Variants in LRRC4C observed in about 807,000 individuals in gnomAD.
LRRC4C encodes the protein leucine-rich repeat-containing protein 4C.
In LRRC4C, 5 loss-of-function variants were observed where a neutral mutation model predicts 33.6. The ratio of observed to expected loss-of-function variants is 0.15; its 90% CI spans 0.08 to 0.31. The LOEUF (loss-of-function observed/expected upper bound fraction) is 0.31. LRRC4C is among the 10% of genes least tolerant of loss of function. The pLI is 1.00. For synonymous variants in LRRC4C, 329 were observed against 302.0 expected (o/e 1.09, Z -0.93); for missense variants, 560 against 796.7 (o/e 0.70, Z 3.58).
At chr11:40,539,304 A>G (rs915606469) in intron 3 of LRRC4C, among the ~76,000 whole-genome samples, 1 of 152,168 alleles carries the variant, frequency 6.6e-6, no homozygotes, top group Non-Finnish European at 1.5e-5. Flanking sequence ...ATGTAAAATT[A>G]TCTATTCTAT....
chr11:41,079,579 C>T (rs1939412088), intron 1 of LRRC4C, among the ~76,000 whole-genome samples: 1 of 152,048 alleles, frequency 6.6e-6, no homozygotes, highest in Non-Finnish European at 1.5e-5. Context: ...AGAAAAGACA[C>T]TATGTCCCTA....
At chr11:41,223,477 T>C (rs1947395728) in intron 1 of LRRC4C, among the ~76,000 whole-genome samples, 1 of 152,188 alleles carries the variant, frequency 6.6e-6, no homozygotes, top group African/African-American at 2.4e-5. Context: ...ATCAATACAT[T>C]ATCTCCTTTA....
intron 1 of LRRC4C, among the ~76,000 whole-genome samples, chr11:41,067,321 G>T (rs944281222): frequency 6.6e-6 from 1 of 152,128 alleles, no homozygotes; most frequent in Middle Eastern, 3.2e-3. Flanking sequence ...AGACAAAGAA[G>T]GGTATAATGT....
chr11:41,089,078 T>C (rs1426119965), intron 1 of LRRC4C, among the ~76,000 whole-genome samples: 2 of 151,996 alleles, frequency 1.3e-5, no homozygotes, highest in African/African-American at 4.8e-5. Flanking sequence ...AATTCCACAT[T>C]TCTAGTAGAA....
intron 1 of LRRC4C, among the ~76,000 whole-genome samples, chr11:41,367,388 C>A (rs1409890769): frequency 1.3e-5 from 2 of 152,074 alleles, no homozygotes; most frequent in Admixed American, 6.5e-5. Context: ...TTGGGCAAGG[C>A]AGATGACTGA....
intron 1 of LRRC4C, among the ~76,000 whole-genome samples, chr11:41,089,643 T>C (rs1940256631): frequency 6.6e-6 from 1 of 152,120 alleles, no homozygotes; most frequent in South Asian, 2.1e-4. Flanking sequence ...TGGTGTCAGT[T>C]AATTCAATTT....
intron 5 of LRRC4C, among the ~76,000 whole-genome samples, chr11:40,212,327 C>G (rs1184704032): frequency 6.6e-6 from 1 of 152,072 alleles, no homozygotes; most frequent in African/African-American, 2.4e-5. Flanking sequence ...CACAGTGGCT[C>G]TGAAAAACAA....
chr11:40,678,819 T>C (rs1380034214), intron 2 of LRRC4C, among the ~76,000 whole-genome samples: 1 of 152,142 alleles, frequency 6.6e-6, no homozygotes, highest in South Asian at 2.1e-4. Flanking sequence ...AGCATGTCTT[T>C]ATTAGCAGCA....
At chr11:40,732,612 C>T (rs1340254175) in intron 2 of LRRC4C, among the ~76,000 whole-genome samples, 1 of 152,190 alleles carries the variant, frequency 6.6e-6, no homozygotes, top group African/African-American at 2.4e-5. Context: ...GATATCTATT[C>T]TATGCATAGT....
At chr11:40,879,485 A>C (rs759839105) in intron 2 of LRRC4C, among the ~76,000 whole-genome samples, 8 of 152,172 alleles carry the variant, frequency 5.3e-5, no homozygotes, top group Admixed American at 1.3e-4. Flanking sequence ...ATATGTAACG[A>C]GTCCTGTGGG....
chr11:40,722,297 C>G (rs1947056974), intron 2 of LRRC4C, among the ~76,000 whole-genome samples: 1 of 152,092 alleles, frequency 6.6e-6, no homozygotes, highest in Non-Finnish European at 1.5e-5. Context: ...CTCCTCTCCT[C>G]CCTAGAGAGA....
chr11:41,373,527 T>TA (rs1952829018), intron 1 of LRRC4C, among the ~76,000 whole-genome samples: 1 of 152,176 alleles, frequency 6.6e-6, no homozygotes, highest in Admixed American at 6.5e-5. Flanking sequence ...CCTTATTTGT[T>TA]ATAAGACAAA....
At chr11:40,318,148 C>T (rs925714545) in intron 4 of LRRC4C, among the ~76,000 whole-genome samples, 1 of 151,988 alleles carries the variant, frequency 6.6e-6, no homozygotes, top group Non-Finnish European at 1.5e-5. Flanking sequence ...ATAGATATCA[C>T]CTCCCAGATA....
intron 1 of LRRC4C, among the ~76,000 whole-genome samples, chr11:41,267,631 C>A (rs1403158339): frequency 6.6e-6 from 1 of 152,114 alleles, no homozygotes; most frequent in Non-Finnish European, 1.5e-5. Flanking sequence ...AATTTTCTTA[C>A]ACTGTGCCAA....
chr11:41,181,892 T>C (rs1005935536), intron 1 of LRRC4C, among the ~76,000 whole-genome samples: 1 of 152,210 alleles, frequency 6.6e-6, no homozygotes, highest in African/African-American at 2.4e-5. Flanking sequence ...TGAATTTCTT[T>C]TAAAGAGGAA....
At chr11:41,136,153 T>G (rs1481699542) in intron 1 of LRRC4C, among the ~76,000 whole-genome samples, 1 of 152,176 alleles carries the variant, frequency 6.6e-6, no homozygotes, top group African/African-American at 2.4e-5. Flanking sequence ...TCCCTACTTT[T>G]ATGGAGTTAC....
chr11:40,616,177 C>T (rs1299072112), intron 3 of LRRC4C, among the ~76,000 whole-genome samples: 1 of 151,940 alleles, frequency 6.6e-6, no homozygotes, highest in Non-Finnish European at 1.5e-5. Context: ...CATCACTGGC[C>T]ATCAAAGAAA....
At chr11:40,351,368 C>T (rs1947376334) in intron 3 of LRRC4C, among the ~76,000 whole-genome samples, 1 of 151,796 alleles carries the variant, frequency 6.6e-6, no homozygotes, top group Admixed American at 6.6e-5. Context: ...GAAGAATGTG[C>T]ATTCTGCAGC....
At chr11:40,633,325 T>TCTTC in intron 3 of LRRC4C, among the ~76,000 whole-genome samples, 1 of 112,246 alleles carries the variant, frequency 8.9e-6, no homozygotes, top group Non-Finnish European at 1.9e-5. Flanking sequence ...CAAGTTTTCT[T>TCTTC]TTTCTTTCTT....
Sources: allele counts gnomAD v4.1 joint callset (sites outside exome capture counted in the v4.1 genomes callset), GRCh38; gene constraint gnomAD v4.1.1; transcripts MANE v1.5; gene names NCBI Gene and HGNC (gene_info 2026-07-23, HGNC 2026-07-21).